PCDH9: variants seen among roughly 807,000 people sequenced by gnomAD.
PCDH9 encodes the protein protocadherin 9.
PCDH9 carries 24 observed loss-of-function variants against 70.6 expected under a neutral mutation model. The observed-to-expected ratio is 0.34, with a 90% CI of 0.25 to 0.48. The LOEUF (loss-of-function observed/expected upper bound fraction) is 0.48, where lower values mean the gene tolerates loss of function less well. PCDH9 is among the 20% of genes least tolerant of loss of function. The probability of loss-of-function intolerance (pLI) is 0.99; values close to 1 mark genes in which losing one functional copy is unlikely to be tolerated. For missense variants in PCDH9, 1,281 were observed against 1,503.6 expected, an observed-to-expected ratio of 0.85 and a Z score of 2.45; for synonymous variants, 562 against 558.5, an observed-to-expected ratio of 1.01 and a Z score of -0.09.
At chr13:66,375,720 A>G (rs1956735603) in intron 4 of PCDH9, among the ~76,000 whole-genome samples, 1 of 152,126 alleles carries the variant, frequency 6.6e-6, no homozygotes, top group Non-Finnish European at 1.5e-5. Flanking sequence ...CTATTATTTA[A>G]GATGAAATAT....
intron 4 of PCDH9, among the ~76,000 whole-genome samples, chr13:66,370,144 A>AT (rs893825707): frequency 6.6e-6 from 1 of 152,040 alleles, no homozygotes; most frequent in Admixed American, 6.6e-5. Flanking sequence ...TAAACATGTG[A>AT]TTTTAAATAC....
At chr13:66,362,633 T>C (rs1004993721) in intron 4 of PCDH9, among the ~76,000 whole-genome samples, 2 of 152,184 alleles carry the variant, frequency 1.3e-5, no homozygotes, top group African/African-American at 4.8e-5. Flanking sequence ...TGTGTATTTA[T>C]GTTTCTCTTT....
intron 3 of PCDH9, among the ~76,000 whole-genome samples, chr13:66,796,650 T>A (rs979474392): frequency 1.6e-5 from 2 of 123,562 alleles, no homozygotes; most frequent in Non-Finnish European, 3.7e-5. Context: ...AGGTTCACTG[T>A]AGAGAATTAA....
At chr13:66,729,052 A>G (rs1292099854) in intron 3 of PCDH9, among the ~76,000 whole-genome samples, 1 of 152,008 alleles carries the variant, frequency 6.6e-6, no homozygotes, top group African/African-American at 2.4e-5. Context: ...CTGAGCTCTT[A>G]GTCTATAAAT....
intron 3 of PCDH9, among the ~76,000 whole-genome samples, chr13:66,635,239 A>G (rs1357749825): frequency 1.3e-5 from 2 of 152,104 alleles, no homozygotes; most frequent in African/African-American, 4.8e-5. Context: ...CCTGTGGGAA[A>G]TATTTTTATT....
intron 3 of PCDH9, chr13:66,825,120 A>T (rs2080795116): frequency 6.6e-6 from 1 of 151,896 alleles, no homozygotes; most frequent in South Asian, 2.1e-4. Context: ...TTAAGAATGT[A>T]AAAGAGAAAA....
chr13:66,491,648 A>G (rs912338101), intron 4 of PCDH9, among the ~76,000 whole-genome samples: 3 of 152,236 alleles, frequency 2.0e-5, no homozygotes, highest in Admixed American at 6.5e-5. Flanking sequence ...TTGAACTTGT[A>G]CACTGTATCA....
chr13:66,941,536 T>G (rs530995367), intron 2 of PCDH9, among the ~76,000 whole-genome samples: 2 of 151,838 alleles, frequency 1.3e-5, no homozygotes, highest in East Asian at 3.9e-4. Context: ...AAGACTCAGA[T>G]AGCTAAAAAC....
intron 2 of PCDH9, among the ~76,000 whole-genome samples, chr13:67,069,646 T>C (rs943255281): frequency 4.6e-5 from 7 of 152,178 alleles, no homozygotes; most frequent in African/African-American, 1.4e-4. Context: ...CACTCTATAA[T>C]TGACCATCTC....
chr13:66,401,437 G>A (rs1205975732), intron 4 of PCDH9, among the ~76,000 whole-genome samples: 1 of 151,410 alleles, frequency 6.6e-6, no homozygotes, highest in Admixed American at 6.6e-5. Context: ...CACCATGATT[G>A]TAAATTTCCT....
chr13:66,765,911 A>G (rs2079708263), intron 3 of PCDH9, among the ~76,000 whole-genome samples: 1 of 152,030 alleles, frequency 6.6e-6, no homozygotes, highest in Non-Finnish European at 1.5e-5. Context: ...GAGAAAGAAC[A>G]TCCCTTGAAA....
chr13:66,378,044 C>T (rs1956780558), intron 4 of PCDH9, among the ~76,000 whole-genome samples: 2 of 152,142 alleles, frequency 1.3e-5, no homozygotes, highest in South Asian at 4.1e-4. Context: ...ACTTGGAAAA[C>T]ATTTAAATGG....
chr13:67,090,888 G>A (rs912954786), intron 2 of PCDH9, among the ~76,000 whole-genome samples: 3 of 151,974 alleles, frequency 2.0e-5, no homozygotes, highest in African/African-American at 7.2e-5. Context: ...ACTTCATCTA[G>A]GTTCTCACAA....
At chr13:67,131,763 C>G (rs11148739) in intron 2 of PCDH9, among the ~76,000 whole-genome samples, 35,923 of 152,084 alleles carry the variant, frequency 0.24, 4,322 homozygotes, top group Middle Eastern at 0.28. Flanking sequence ...CACTTTAACA[C>G]TTTCCTTCAA....
chr13:66,529,980 A>G (rs956669966), intron 4 of PCDH9, among the ~76,000 whole-genome samples: 2 of 152,026 alleles, frequency 1.3e-5, no homozygotes, highest in Admixed American at 6.6e-5. Context: ...ATAAATACAC[A>G]TACAACACAT....
At chr13:66,319,332 C>T (rs961875278) in intron 4 of PCDH9, among the ~76,000 whole-genome samples, 2 of 152,060 alleles carry the variant, frequency 1.3e-5, no homozygotes, top group Non-Finnish European at 2.9e-5. Context: ...CAAACCATAG[C>T]AAAGAGCCTT....
At chr13:66,441,040 T>C (rs983263774) in intron 4 of PCDH9, among the ~76,000 whole-genome samples, 4 of 152,238 alleles carry the variant, frequency 2.6e-5, no homozygotes, top group Admixed American at 2.6e-4. Context: ...TTAATGTCTT[T>C]TATTTTAATC....
At chr13:66,632,854 G>T (rs1163652965) in intron 3 of PCDH9, among the ~76,000 whole-genome samples, 1 of 151,792 alleles carries the variant, frequency 6.6e-6, no homozygotes, top group African/African-American at 2.4e-5. Flanking sequence ...AATGATGAAT[G>T]TATATATTAA....
At chr13:66,935,110 A>G (rs1053209846) in intron 2 of PCDH9, among the ~76,000 whole-genome samples, 4 of 151,686 alleles carry the variant, frequency 2.6e-5, no homozygotes, top group South Asian at 2.1e-4. Context: ...CTCCCAGGCT[A>G]AAGTGCAGTG....
Sources: gnomAD v4.1 joint callset for allele counts (sites outside exome capture counted in the v4.1 genomes callset) on GRCh38, gnomAD v4.1.1 for gene constraint, MANE v1.5 for transcripts, NCBI Gene and HGNC (gene_info 2026-07-23, HGNC 2026-07-21) for gene names.